The following CDH5 variants were observed in gnomAD, a reference collection of about 807,000 sequenced individuals.
CDH5 encodes the protein cadherin-5.
In CDH5, 28 loss-of-function variants were observed where a neutral mutation model predicts 62.0. The ratio of observed to expected loss-of-function variants is 0.45; its 90% CI spans 0.33 to 0.62. The LOEUF is 0.62. Among genes scored for constraint, CDH5 ranks in the 20% least tolerant of loss-of-function variants. The pLI is 0.02. For synonymous variants in CDH5, 464 were observed against 445.8 expected (o/e 1.04, Z -0.52); for missense variants, 940 against 1,065.1 (o/e 0.88, Z 1.63).
At chr16:66,373,878 A>G (rs1077318) in intron 1 of CDH5, among the ~76,000 whole-genome samples, 69 of 152,168 alleles carry the variant, frequency 4.5e-4, no homozygotes, top group African/African-American at 1.6e-3. Context: ...GGGAATGATA[A>G]GTCTTACATC....
At chr16:66,389,635 G>A in intron 5 of CDH5, 113 bp downstream of exon 5, 2 of 939,228 alleles carry the variant, frequency 2.1e-6, no homozygotes, top group Non-Finnish European at 3.0e-6. Context: ...CTATCCCAGG[G>A]TAGGCCTGAT....
intron 11 of CDH5, 38 bp from the exon 12 acceptor site, chr16:66,402,614 G>A (rs569955049): frequency 1.3e-6 from 2 of 1,513,068 alleles, no homozygotes; most frequent in Non-Finnish European, 1.8e-6. Context: ...CAGGCCCCCA[G>A]CCTTGTCTGA....
intron 1 of CDH5, 180 bp from the exon 2 acceptor site, chr16:66,379,139 C>T: frequency 3.6e-6 from 2 of 550,626 alleles, no homozygotes; most frequent in Non-Finnish European, 6.3e-6. Context: ...TAAAACCGAC[C>T]TTTCATCCGA....
At chr16:66,371,221 T>C (rs896113134) in intron 1 of CDH5, among the ~76,000 whole-genome samples, 1 of 152,150 alleles carries the variant, frequency 6.6e-6, no homozygotes, top group Admixed American at 6.5e-5. Context: ...CCACAGAGTT[T>C]GGGGGTCACT....
rs1260885908 is a variant in CDH5, at chr16:66,403,023, G to A, written c.2209G>A (p.Glu737Lys). The A allele has an allele frequency of 1.2e-6, 2 of 1,613,208 alleles. No homozygotes were observed. The highest frequency in any genetic ancestry group is 8.5e-7 in the Non-Finnish European group (1 of 1,179,744). The change falls in exon 12 of 12, where the codon GAG becomes AAG. Residue 737 changes from glutamate to lysine, a missense_variant. Glu to Lys is a moderately conservative substitution (Grantham distance 56). Coordinates refer to ENST00000341529, the MANE Select transcript of CDH5 (RefSeq NM_001795.5). The surrounding 1 kb of genome is among the most constrained non-coding windows in gnomAD (Gnocchi z 4.3). ...GCACATCTACGGCTACGAGGGCTCC[G>A]AGTCCATAGCCGAGTCCCTCAGCTC... ...TLHIYGYEGS[E>K]SIAESLSSLG...
chr16:66,395,973 A>T, intron 7 of CDH5, 86 bp from the exon 8 acceptor site: 1 of 1,386,100 alleles, frequency 7.2e-7, no homozygotes, highest in South Asian at 1.3e-5. Flanking sequence ...CAGGGGACAG[A>T]TGCAGAAGGG....
At chr16:66,399,917 G>A (rs1183360010) in intron 10 of CDH5, among the ~76,000 whole-genome samples, 8 of 152,180 alleles carry the variant, frequency 5.3e-5, no homozygotes, top group Admixed American at 4.6e-4. Flanking sequence ...ATTCAAAATC[G>A]AAAAGATGGA....
chr16:66,381,757 C>T (rs1014650568), intron 2 of CDH5, among the ~76,000 whole-genome samples: 1 of 152,168 alleles, frequency 6.6e-6, no homozygotes, highest in African/African-American at 2.4e-5. Flanking sequence ...ATCCAGCCCA[C>T]TGCCTGGACT....
chr16:66,378,994 G>A (rs924989962), intron 1 of CDH5, among the ~76,000 whole-genome samples: 8 of 152,214 alleles, frequency 5.3e-5, no homozygotes, highest in African/African-American at 1.9e-4. Flanking sequence ...TTCTTGAAAG[G>A]TCAGAAGGTT....
intron 1 of CDH5, among the ~76,000 whole-genome samples, chr16:66,374,277 G>T (rs555703453): frequency 4.9e-4 from 75 of 152,342 alleles, no homozygotes; most frequent in African/African-American, 1.7e-3. Flanking sequence ...TGGCATGGGG[G>T]TGCAAATGGG....
At chr16:66,393,752 A>AT (rs894368041) in intron 7 of CDH5, among the ~76,000 whole-genome samples, 3 of 151,980 alleles carry the variant, frequency 2.0e-5, no homozygotes, top group African/African-American at 7.3e-5. Context: ...GTCAACTCTC[A>AT]TTTTTTCTTT....
chr16:66,378,826 G>A (rs7404629), intron 1 of CDH5, among the ~76,000 whole-genome samples: 26,402 of 152,154 alleles, frequency 0.17, 2,675 homozygotes, highest in East Asian at 0.27. Context: ...AAGGGGGTCT[G>A]GTTCTGCTGG....
intron 6 of CDH5, among the ~76,000 whole-genome samples, chr16:66,391,768 T>C (rs1961088964): frequency 5.9e-5 from 9 of 152,214 alleles, no homozygotes; most frequent in Admixed American, 5.9e-4. Flanking sequence ...AGCAATATTC[T>C]GTCTCAAGAA....
At chr16:66,395,503 C>CTTTTCTTTTTTTTTTTTTTTTTTT (rs1961164785) in intron 7 of CDH5, 1 of 80,956 alleles carries the variant, frequency 1.2e-5, no homozygotes, top group Non-Finnish European at 2.2e-5. Context: ...CTTTTCTTTT[C>CTTTTCTTTTTTTTTTTTTTTTTTT]TTTTTTTTTT....
At chr16:66,372,440 G>A (rs546319961) in intron 1 of CDH5, among the ~76,000 whole-genome samples, 120 of 152,364 alleles carry the variant, frequency 7.9e-4, no homozygotes, top group African/African-American at 2.8e-3. Context: ...CAGGGAGGAT[G>A]CAACCAAACC....
rs975099362 is a variant in CDH5, at chr16:66,396,216, C to G, written c.1360+15C>G. 6.2e-7 allele frequency: 1 copy of G among 1,613,470 alleles called. No homozygotes were observed. Among genetic ancestry groups the G allele is most frequent in the Non-Finnish European group, 8.5e-7 (1 of 1,179,856 alleles). On this transcript the variant is annotated intron_variant, in intron 8 of 11. Transcript: ENST00000341529. The stretch of plus-strand genomic sequence containing the variant: ...GGATTCCACTGGTGAGTGGCCACAT[C>G]TGCCAGGGCACCTGGATTCTTTTCC...
chr16:66,378,231 C>T (rs996990172), intron 1 of CDH5, among the ~76,000 whole-genome samples: 3 of 152,090 alleles, frequency 2.0e-5, no homozygotes, highest in African/African-American at 4.8e-5. Flanking sequence ...AGATGTTTGC[C>T]GAGAGAAGGC....
intron 11 of CDH5, among the ~76,000 whole-genome samples, chr16:66,401,748 GGGC>G (rs1194334235): frequency 1.1e-4 from 16 of 152,306 alleles, no homozygotes; most frequent in African/African-American, 3.8e-4. Flanking sequence ...AGGCAGCGTG[GGGC>G]CACCCCCCAG....
intron 2 of CDH5, among the ~76,000 whole-genome samples, chr16:66,381,110 G>A (rs1881653758): frequency 6.6e-6 from 1 of 152,122 alleles, no homozygotes; most frequent in Non-Finnish European, 1.5e-5. Context: ...CCACAAAATT[G>A]TGCTGAAGAT....
Sources: gnomAD v4.1 joint callset for allele counts (sites outside exome capture counted in the v4.1 genomes callset) on GRCh38, gnomAD v4.1.1 for gene constraint, Gnocchi (gnomAD v3.1) non-coding constraint, MANE v1.5 for transcripts, NCBI Gene and HGNC (gene_info 2026-07-23, HGNC 2026-07-21) for gene names.